AGBL4: variants seen among roughly 807,000 people sequenced by gnomAD.
AGBL4 encodes cytosolic carboxypeptidase 6.
A neutral mutation model predicts 66.4 loss-of-function variants in AGBL4; 58 were observed. The observed-to-expected ratio is 0.87, with a 90% confidence interval of 0.71 to 1.09. AGBL4 has a LOEUF of 1.09. Ranked by LOEUF, AGBL4 falls within the 50% of genes least tolerant of loss-of-function variation. The pLI is 0.00. For missense variants in AGBL4, 579 were observed against 631.0 expected, an observed-to-expected ratio of 0.92 and a Z score of 0.88; for synonymous variants, 234 against 222.9, an observed-to-expected ratio of 1.05 and a Z score of -0.44.
chr1:48,622,213 G>A (rs1416085948), intron 9 of AGBL4, among the ~76,000 whole-genome samples: 1 of 152,014 alleles, frequency 6.6e-6, no homozygotes, highest in Non-Finnish European at 1.5e-5. Context: ...TGCTTCCCCT[G>A]CTGTAATGCT....
chr1:49,491,067 C>T (rs1214805250), intron 3 of AGBL4, among the ~76,000 whole-genome samples: 1 of 151,668 alleles, frequency 6.6e-6, no homozygotes, highest in African/African-American at 2.4e-5. Flanking sequence ...CTCAGTACTC[C>T]ACACAAAGTA....
At chr1:48,863,140 G>A (rs138436817) in intron 6 of AGBL4, among the ~76,000 whole-genome samples, 1 of 152,226 alleles carries the variant, frequency 6.6e-6, no homozygotes, top group East Asian at 1.9e-4. Flanking sequence ...GTGTTCAATA[G>A]GTGGTTAAAG....
intron 3 of AGBL4, among the ~76,000 whole-genome samples, chr1:49,315,957 T>C (rs1435268955): frequency 6.6e-6 from 1 of 152,078 alleles, no homozygotes; most frequent in Non-Finnish European, 1.5e-5. Flanking sequence ...TCAAGCCATT[T>C]AAACACATAA....
intron 5 of AGBL4, among the ~76,000 whole-genome samples, chr1:48,988,617 G>T (rs1185189510): frequency 6.6e-6 from 1 of 152,098 alleles, no homozygotes; most frequent in Non-Finnish European, 1.5e-5. Context: ...CCAACCTGTT[G>T]GTCAATACTG....
At chr1:49,944,509 G>A (rs1313025154) in intron 1 of AGBL4, among the ~76,000 whole-genome samples, 1 of 151,992 alleles carries the variant, frequency 6.6e-6, no homozygotes, top group Non-Finnish European at 1.5e-5. Context: ...TAGAAAAATG[G>A]GAAGAGTACC....
chr1:49,501,267 C>A (rs1648123726), intron 3 of AGBL4, among the ~76,000 whole-genome samples: 1 of 152,038 alleles, frequency 6.6e-6, no homozygotes, highest in African/African-American at 2.4e-5. Context: ...ATCTCTGAAT[C>A]CTTTTGGTTT....
intron 9 of AGBL4, among the ~76,000 whole-genome samples, chr1:48,620,122 G>C (rs1417071057): frequency 6.6e-6 from 1 of 152,116 alleles, no homozygotes; most frequent in African/African-American, 2.4e-5. Context: ...CCCTATGAAA[G>C]AAAAGCTTCT....
chr1:49,486,130 G>A (rs957640768), intron 3 of AGBL4, among the ~76,000 whole-genome samples: 1 of 151,822 alleles, frequency 6.6e-6, no homozygotes, highest in Non-Finnish European at 1.5e-5. Context: ...GCTTCAATTT[G>A]TCAGACCCCA....
intron 5 of AGBL4, among the ~76,000 whole-genome samples, chr1:49,003,900 A>G (rs1041713355): frequency 2.6e-5 from 4 of 152,222 alleles, no homozygotes; most frequent in East Asian, 1.9e-4. Context: ...CTGGTTCCCT[A>G]CAAGGCTCTT....
intron 1 of AGBL4, among the ~76,000 whole-genome samples, chr1:49,962,312 G>A (rs1657185236): frequency 6.6e-6 from 1 of 152,068 alleles, no homozygotes; most frequent in East Asian, 1.9e-4. Flanking sequence ...TAATTTTCAT[G>A]ATGTCTTGTA....
intron 3 of AGBL4, among the ~76,000 whole-genome samples, chr1:49,507,264 T>G (rs1392430387): frequency 6.6e-6 from 1 of 151,998 alleles, no homozygotes; most frequent in Non-Finnish European, 1.5e-5. Context: ...ACCAGCCATA[T>G]GGGTGAACCA....
chr1:49,349,389 C>T (rs1489095703), intron 3 of AGBL4, among the ~76,000 whole-genome samples: 1 of 152,160 alleles, frequency 6.6e-6, no homozygotes, highest in Non-Finnish European at 1.5e-5. Context: ...GGACTTTTGA[C>T]AAGCAATTAC....
chr1:48,910,153 C>T (rs1652962605), intron 5 of AGBL4, among the ~76,000 whole-genome samples: 1 of 152,282 alleles, frequency 6.6e-6, no homozygotes, highest in Non-Finnish European at 1.5e-5. Flanking sequence ...TGACACATAC[C>T]AAGAAGACTT....
At chr1:49,614,504 A>G (rs567472043) in intron 3 of AGBL4, among the ~76,000 whole-genome samples, 1 of 152,340 alleles carries the variant, frequency 6.6e-6, no homozygotes, top group Admixed American at 6.5e-5. Context: ...AAAAAGTACC[A>G]GTAAAAATAT....
intron 6 of AGBL4, among the ~76,000 whole-genome samples, chr1:48,726,466 C>A (rs1228525608): frequency 6.6e-6 from 1 of 152,174 alleles, no homozygotes; most frequent in African/African-American, 2.4e-5. Context: ...GTGTCAGGAA[C>A]TTTACTTTGT....
intron 4 of AGBL4, among the ~76,000 whole-genome samples, chr1:49,198,430 T>C (rs1379157739): frequency 6.6e-6 from 1 of 152,180 alleles, no homozygotes; most frequent in Non-Finnish European, 1.5e-5. Flanking sequence ...AACCTTCATC[T>C]TCCAGGTTCA....
At chr1:48,562,501 A>G (rs1341543748) in intron 11 of AGBL4, among the ~76,000 whole-genome samples, 1 of 152,110 alleles carries the variant, frequency 6.6e-6, no homozygotes, top group Non-Finnish European at 1.5e-5. Context: ...GTTTGAATTC[A>G]TTGCTCTGTT....
chr1:49,110,995 C>A (rs1211423193), intron 4 of AGBL4, among the ~76,000 whole-genome samples: 1 of 152,070 alleles, frequency 6.6e-6, no homozygotes, highest in Non-Finnish European at 1.5e-5. Flanking sequence ...ATGTAAGCCT[C>A]CTCCCCCCAA....
chr1:48,562,447 G>A (rs1397369839), intron 11 of AGBL4, among the ~76,000 whole-genome samples: 2 of 152,128 alleles, frequency 1.3e-5, no homozygotes, highest in Non-Finnish European at 2.9e-5. Context: ...TTTAGACCCA[G>A]CTCAAAATCT....
Sources: allele counts gnomAD v4.1 joint callset (sites outside exome capture counted in the v4.1 genomes callset), GRCh38; gene constraint gnomAD v4.1.1; transcripts MANE v1.5; gene names NCBI Gene and HGNC (gene_info 2026-07-23, HGNC 2026-07-21).